FAM13C: variants seen among roughly 807,000 people sequenced by gnomAD.
FAM13C encodes family with sequence similarity 13 member C.
A neutral mutation model predicts 73.2 loss-of-function variants in FAM13C; 37 were observed. The ratio of observed to expected loss-of-function variants is 0.51; its 90% CI spans 0.39 to 0.67. The LOEUF (loss-of-function observed/expected upper bound fraction) is 0.67, where lower values mean the gene tolerates loss of function less well. Ranked by LOEUF, FAM13C falls within the 30% of genes least tolerant of loss-of-function variation. FAM13C has a pLI of 0.00. For missense variants in FAM13C, 589 were observed against 715.6 expected, an observed-to-expected ratio of 0.82 and a Z score of 2.02; for synonymous variants, 246 against 260.9, an observed-to-expected ratio of 0.94 and a Z score of 0.55.
At chr10:59,285,501 CA>C (rs1406611525) in intron 5 of FAM13C, among the ~76,000 whole-genome samples, 1 of 152,158 alleles carries the variant, frequency 6.6e-6, no homozygotes, top group Non-Finnish European at 1.5e-5. Flanking sequence ...CATGGGAATG[CA>C]AAATGGTGCT....
chr10:59,274,298 GGA>G (rs1300902334), intron 6 of FAM13C, among the ~76,000 whole-genome samples: 1 of 152,144 alleles, frequency 6.6e-6, no homozygotes, highest in African/African-American at 2.4e-5. Flanking sequence ...TATGGTTAGG[GGA>G]GAGAGAACAT....
At chr10:59,298,945 A>G (rs934420624) in intron 5 of FAM13C, among the ~76,000 whole-genome samples, 7 of 152,206 alleles carry the variant, frequency 4.6e-5, no homozygotes, top group African/African-American at 1.7e-4. Flanking sequence ...AAATAGGGTT[A>G]CCAGAGGCTG....
chr10:59,302,953 C>T, intron 4 of FAM13C, 89 bp from the exon 5 acceptor site: 1 of 1,192,196 alleles, frequency 8.4e-7, no homozygotes, highest in Non-Finnish European at 1.2e-6. Context: ...TCTGGCTGTA[C>T]CCCTGATAAA....
intron 5 of FAM13C, among the ~76,000 whole-genome samples, chr10:59,294,162 T>G (rs948948183): frequency 5.9e-5 from 9 of 152,200 alleles, no homozygotes; most frequent in African/African-American, 2.2e-4. Context: ...ACGTTTATAC[T>G]TTTGCCAAAA....
intron 4 of FAM13C, among the ~76,000 whole-genome samples, chr10:59,304,147 CAA>C (rs1847936846): frequency 6.6e-6 from 1 of 151,866 alleles, no homozygotes; most frequent in Non-Finnish European, 1.5e-5. Flanking sequence ...GACTCAGTCT[CAA>C]AAAAACAGAA....
intron 8 of FAM13C, 61 bp downstream of exon 8, chr10:59,268,492 C>T: frequency 6.3e-7 from 1 of 1,592,728 alleles, no homozygotes; most frequent in Non-Finnish European, 8.6e-7. Context: ...AGGACAGAGG[C>T]TGAGGAGAAT....
At chr10:59,253,323 C>T (rs183944857) in intron 11 of FAM13C, among the ~76,000 whole-genome samples, 66 of 152,336 alleles carry the variant, frequency 4.3e-4, no homozygotes, top group African/African-American at 1.5e-3. Flanking sequence ...TCCTCCCTTT[C>T]ACTCAGACCT....
Position 59,270,022 on chromosome 10 carries a change from T to C in FAM13C, c.680A>G (p.Tyr227Cys). Residue 227 changes from tyrosine (Y) to cysteine (C), a missense_variant, in exon 7 of 14, where the codon TAT becomes TGT. Coordinates refer to ENST00000618804, the MANE Select transcript of FAM13C (RefSeq NM_198215.4). ...LHSVGTSRLLYHITDGDNPLL... is the reference protein window; with the variant it reads ...LHSVGTSRLLCHITDGDNPLL... ...TGGGTTATCACCATCAGTGATGTGA[T>C]AGAGCAGCCTGCTGGTCCCCACAGA... is the stretch of plus-strand genomic sequence containing the variant. 6.2e-7 allele frequency: 1 copy of C among 1,613,974 alleles called. No individual in the cohort carries two copies.
At chr10:59,269,231 T>C (rs890329758) in intron 7 of FAM13C, among the ~76,000 whole-genome samples, 2 of 152,134 alleles carry the variant, frequency 1.3e-5, no homozygotes, top group African/African-American at 4.8e-5. Context: ...GTTAGATATA[T>C]TCAAGAAAAA....
At chr10:59,351,410 TTTAA>T (rs1855026242) in intron 3 of FAM13C, among the ~76,000 whole-genome samples, 1 of 151,860 alleles carries the variant, frequency 6.6e-6, no homozygotes, top group African/African-American at 2.4e-5. Flanking sequence ...CAAAAAAAGT[TTTAA>T]TTAATAAAAT....
chr10:59,305,872 T>C (rs1848195016), intron 4 of FAM13C, among the ~76,000 whole-genome samples: 1 of 152,162 alleles, frequency 6.6e-6, no homozygotes, highest in African/African-American at 2.4e-5. Context: ...CTAATATCCA[T>C]CAATCCCCTG....
intron 6 of FAM13C, among the ~76,000 whole-genome samples, chr10:59,274,303 G>C (rs936337538): frequency 6.6e-6 from 1 of 152,212 alleles, no homozygotes; most frequent in Non-Finnish European, 1.5e-5. Flanking sequence ...TTAGGGGAGA[G>C]AGAACATGGG....
At chr10:59,282,921 G>T (rs12256004) in intron 6 of FAM13C, 32,967 of 166,376 alleles carry the variant, frequency 0.2, 4,073 homozygotes, top group African/African-American at 0.34. Flanking sequence ...TGCATGCATG[G>T]ATCATCTTAC....
At chr10:59,255,196 T>C (rs556723637) in intron 10 of FAM13C, among the ~76,000 whole-genome samples, 1 of 152,314 alleles carries the variant, frequency 6.6e-6, no homozygotes, top group South Asian at 2.1e-4. Context: ...CAGGCTGTGA[T>C]ATCAACTAAA....
At chr10:59,332,006 C>T (rs1472062379) in intron 3 of FAM13C, among the ~76,000 whole-genome samples, 2 of 152,052 alleles carry the variant, frequency 1.3e-5, no homozygotes, top group African/African-American at 4.8e-5. Context: ...CAGACTAGGG[C>T]TGGCAATACA....
In FAM13C at chr10:59,263,517, G is replaced by A. The variant is rs556309911; in HGVS notation, c.1024+568C>T. Among the ~76,000 whole-genome samples, 22 of 152,302 alleles carry A rather than the reference G, an allele frequency of 1.4e-4. No homozygotes were observed. The South Asian group carries it at 4.4e-3, about 30-fold the overall frequency. ...TGTCTCTAAGTATTAAAGTTAGAGT[G>A]TGGAGAGAGGAAGAAAATAATTTTT... is the stretch of plus-strand genomic sequence containing the variant. On this transcript the variant is annotated intron_variant, in intron 9 of 13. Coordinates refer to ENST00000618804, the MANE Select transcript of FAM13C (RefSeq NM_198215.4).
intron 4 of FAM13C, among the ~76,000 whole-genome samples, chr10:59,307,764 A>C (rs1010833403): frequency 7.2e-5 from 11 of 152,232 alleles, no homozygotes; most frequent in African/African-American, 2.4e-4. Flanking sequence ...AGAACAGGAC[A>C]TGCAGGAGAA....
intron 5 of FAM13C, among the ~76,000 whole-genome samples, chr10:59,288,509 C>T (rs187962934): frequency 1.7e-4 from 26 of 152,174 alleles, no homozygotes; most frequent in Admixed American, 1.6e-3. Flanking sequence ...AAGCATCCAT[C>T]GGTTGTTCTC....
intron 4 of FAM13C, among the ~76,000 whole-genome samples, chr10:59,309,732 TTTGA>T (rs1199096292): frequency 6.6e-6 from 1 of 152,228 alleles, no homozygotes; most frequent in African/African-American, 2.4e-5. Context: ...TGTGTAATTA[TTTGA>T]TTGTTTCTTT....
Sources: allele counts gnomAD v4.1 joint callset (sites outside exome capture counted in the v4.1 genomes callset), GRCh38; gene constraint gnomAD v4.1.1; transcripts MANE v1.5; gene names NCBI Gene and HGNC (gene_info 2026-07-23, HGNC 2026-07-21).